EPB41L4B: variants seen among roughly 807,000 people sequenced by gnomAD.
EPB41L4B encodes the protein band 4.1-like protein 4B.
Under a neutral mutation model 112.5 loss-of-function variants are expected in EPB41L4B, and 30 were observed. The ratio of observed to expected loss-of-function variants is 0.27; its 90% CI spans 0.20 to 0.36. The LOEUF (loss-of-function observed/expected upper bound fraction) is 0.36. EPB41L4B is among the 10% of genes least tolerant of loss of function. EPB41L4B has a pLI of 1.00. For missense variants in EPB41L4B, 1,024 were observed against 1,133.3 expected, an observed-to-expected ratio of 0.90 and a Z score of 1.38; for synonymous variants, 408 against 439.7, an observed-to-expected ratio of 0.93 and a Z score of 0.90.
chr9:109,192,326 G>C lies in EPB41L4B; in HGVS notation c.2253C>G (p.Thr751=), dbSNP rs751929512. 8.1e-6 allele frequency: 13 copies of C among 1,612,334 alleles called. No individual in the cohort carries two copies. Among genetic ancestry groups the C allele is most frequent in the Non-Finnish European group, 1.1e-5 (13 of 1,179,276 alleles). Residue 751 remains threonine, a synonymous_variant, in exon 22 of 26, where the codon ACC becomes ACG. Coordinates refer to ENST00000374566, the MANE Select transcript of EPB41L4B (RefSeq NM_019114.5). Reference sequence around the variant, plus strand: ...CCATCAGAAGATCACCCGGCTCCAGGGTAAAGGCACCTCCTCGGTCAGAGG... The same window carrying C: ...CCATCAGAAGATCACCCGGCTCCAGCGTAAAGGCACCTCCTCGGTCAGAGG... ...KSPSDRGGAF[T]LEPGDLLMDF...
intron 15 of EPB41L4B, among the ~76,000 whole-genome samples, chr9:109,219,237 ACAAT>A (rs1588145174): frequency 1.3e-5 from 2 of 152,288 alleles, no homozygotes; most frequent in Non-Finnish European, 2.9e-5. Flanking sequence ...CCAATTAGGG[ACAAT>A]CAGAGTTTTT....
chr9:109,291,398 CT>C (rs1461668569), intron 1 of EPB41L4B, among the ~76,000 whole-genome samples: 3 of 152,208 alleles, frequency 2.0e-5, no homozygotes, highest in Non-Finnish European at 4.4e-5. Flanking sequence ...ACAAACAGAT[CT>C]CACGGTGGGG....
chr9:109,240,906 G>A (rs947152562), intron 15 of EPB41L4B: 4 of 985,320 alleles, frequency 4.1e-6, no homozygotes, highest in South Asian at 4.7e-5. Context: ...CAGCAAATTC[G>A]ATCAAAACAA....
intron 19 of EPB41L4B, among the ~76,000 whole-genome samples, chr9:109,203,192 CAT>C (rs1487371249): frequency 1.3e-5 from 2 of 152,118 alleles, no homozygotes; most frequent in Non-Finnish European, 2.9e-5. Flanking sequence ...TTAAAAGGAA[CAT>C]ATGTGGCTCC....
Position 109,185,384 on chromosome 9 carries a change from G to C in EPB41L4B, c.2418+105C>G, listed in dbSNP as rs1032318063. 4 of 932,568 alleles carry C rather than the reference G, an allele frequency of 4.3e-6. No individual in the cohort carries two copies. In the Admixed American group the frequency reaches 5.5e-5, roughly 13 times the overall value. 57.8% of individuals were successfully genotyped at this position (932,568 alleles called of 1,614,324 possible). ...GGGCACCTGTCGATGGGCTCTGCCCGAGATCTGGGGCTTCTGCACGCCCAC... is the reference window on the plus strand; with the variant it reads ...GGGCACCTGTCGATGGGCTCTGCCCCAGATCTGGGGCTTCTGCACGCCCAC... On this transcript the variant is annotated intron_variant, in intron 23 of 25. Coordinates refer to ENST00000374566, the MANE Select transcript of EPB41L4B (RefSeq NM_019114.5).
chr9:109,310,365 T>C (rs1837373127), intron 1 of EPB41L4B, among the ~76,000 whole-genome samples: 1 of 152,094 alleles, frequency 6.6e-6, no homozygotes, highest in Non-Finnish European at 1.5e-5. Flanking sequence ...GAGGGGAATG[T>C]GACTGAGACA....
chr9:109,254,374 T>C (rs1476974840), intron 11 of EPB41L4B, among the ~76,000 whole-genome samples: 1 of 152,132 alleles, frequency 6.6e-6, no homozygotes, highest in African/African-American at 2.4e-5. Flanking sequence ...AAGAGCTTGG[T>C]CTTCCCCCCA....
chr9:109,309,802 A>C (rs1173856651), intron 1 of EPB41L4B, among the ~76,000 whole-genome samples: 1 of 151,410 alleles, frequency 6.6e-6, no homozygotes, highest in African/African-American at 2.4e-5. Flanking sequence ...GGATAGGTGA[A>C]AGGTACTCAA....
chr9:109,202,793 A>C (rs1832878586), intron 19 of EPB41L4B, among the ~76,000 whole-genome samples: 1 of 152,170 alleles, frequency 6.6e-6, no homozygotes, highest in Non-Finnish European at 1.5e-5. Flanking sequence ...ATATTCTAAA[A>C]GCCCTGACTT....
chr9:109,242,424 A>G (rs1437235785), intron 15 of EPB41L4B, among the ~76,000 whole-genome samples: 1 of 152,248 alleles, frequency 6.6e-6, no homozygotes, highest in Non-Finnish European at 1.5e-5. Flanking sequence ...TAACATGATA[A>G]AACAGGCAAT....
At position 109,231,783 on chromosome 9, in the gene EPB41L4B, T is replaced by C. The variant is rs376136004; in HGVS notation, c.1409+11835A>G. Among the ~76,000 whole-genome samples, 202 of 152,342 alleles carry C rather than the reference T, an allele frequency of 1.3e-3. 2 individuals carry two copies. Among genetic ancestry groups the C allele is most frequent in the African/African-American group, 4.7e-3 (194 of 41,580 alleles). On this transcript the variant is annotated intron_variant, in intron 15 of 25. Transcript: ENST00000374566. Reference sequence around the variant, plus strand: ...TGTTGTGTTGCAATGCTATTCTTGCTAGGTTTTGCAATGGCTTCCTCATTG... The same window carrying C: ...TGTTGTGTTGCAATGCTATTCTTGCCAGGTTTTGCAATGGCTTCCTCATTG...
chr9:109,232,796 A>T (rs1833999167), intron 15 of EPB41L4B, among the ~76,000 whole-genome samples: 1 of 152,164 alleles, frequency 6.6e-6, no homozygotes, highest in Non-Finnish European at 1.5e-5. Context: ...GATGAGGATT[A>T]ATTTATTTTG....
At chr9:109,204,041 C>T (rs191858305) in intron 18 of EPB41L4B, among the ~76,000 whole-genome samples, 54 of 152,302 alleles carry the variant, frequency 3.5e-4, no homozygotes, top group Non-Finnish European at 6.3e-4. Flanking sequence ...AAGCCAAACC[C>T]GCAGTTTAAT....
At chr9:109,176,750 C>T in intron 24 of EPB41L4B, 54 bp from the exon 25 acceptor site, 1 of 1,600,162 alleles carries the variant, frequency 6.2e-7, no homozygotes, top group Non-Finnish European at 8.5e-7. Flanking sequence ...TCCATTTTCA[C>T]ACTGTCAGTT....
chr9:109,199,160 A>G (rs1187135128), intron 20 of EPB41L4B, among the ~76,000 whole-genome samples: 4 of 152,126 alleles, frequency 2.6e-5, no homozygotes, highest in African/African-American at 9.7e-5. Flanking sequence ...ATTCTGGGAC[A>G]TTTTGGGAAA....
At chr9:109,283,912 C>A (rs1163828197) in intron 1 of EPB41L4B, among the ~76,000 whole-genome samples, 5 of 149,160 alleles carry the variant, frequency 3.4e-5, no homozygotes, top group African/African-American at 1.2e-4. Context: ...CATAGCAAGA[C>A]CCCATCTCTA....
chr9:109,309,837 A>G (rs1837349977), intron 1 of EPB41L4B, among the ~76,000 whole-genome samples: 2 of 152,206 alleles, frequency 1.3e-5, no homozygotes, highest in Admixed American at 1.3e-4. Flanking sequence ...GGGGGAAGGT[A>G]GAGACTACAA....
intron 13 of EPB41L4B, among the ~76,000 whole-genome samples, chr9:109,249,045 C>T (rs1168969028): frequency 8.7e-6 from 1 of 114,306 alleles, no homozygotes; most frequent in Non-Finnish European, 1.8e-5. Flanking sequence ...GGCGACAGAG[C>T]GAGACTCCAT....
Position 109,320,268 on chromosome 9 carries a change from G to A in EPB41L4B, c.179C>T (p.Pro60Leu), listed in dbSNP as rs1178368056. The A allele has an allele frequency of 4.2e-6, 5 of 1,195,694 alleles. No individual in the cohort carries two copies. The highest frequency in any genetic ancestry group is 9.2e-5 in the Admixed American group (2 of 21,740). 74.1% of individuals were successfully genotyped at this position (1,195,694 alleles called of 1,614,324 possible). A position where few individuals can be genotyped will look rare whatever the true frequency, so the allele number is the denominator to read the frequency against. Residue 60 changes from proline (P) to leucine (L), a missense_variant, in exon 1 of 26, where the codon CCG (proline) becomes CTG (leucine). Physicochemically the swap from Pro to Leu is moderately conservative, Grantham distance 98 (BLOSUM62 -3). Coordinates refer to ENST00000374566, the MANE Select transcript of EPB41L4B (RefSeq NM_019114.5). ...LPAAPGGSVF[P>L]AGGGPLLTGG... ...GGTGAGCAGGGGCCCGCCGCCCGCC[G>A]GGAACACGCTGCCCCCGGGCGCGGC...
Sources: gnomAD v4.1 joint callset for allele counts (sites outside exome capture counted in the v4.1 genomes callset) on GRCh38, gnomAD v4.1.1 for gene constraint, MANE v1.5 for transcripts, NCBI Gene and HGNC (gene_info 2026-07-23, HGNC 2026-07-21) for gene names.